Variants in PKD2 observed in about 807,000 individuals in gnomAD.
PKD2 encodes the protein polycystin-2.
Under a neutral mutation model 105.9 loss-of-function variants are expected in PKD2, and 48 were observed. The observed-to-expected ratio is 0.45, with a 90% CI of 0.36 to 0.58. The LOEUF (loss-of-function observed/expected upper bound fraction) is 0.58. Among genes scored for constraint, PKD2 ranks in the 20% least tolerant of loss-of-function variants. The probability of loss-of-function intolerance (pLI) is 0.00; values close to 1 mark genes in which losing one functional copy is unlikely to be tolerated. For synonymous variants in PKD2, 464 were observed against 481.1 expected (o/e 0.96, Z 0.46); for missense variants, 1,078 against 1,255.3 (o/e 0.86, Z 2.13).
rs775939158 is a variant in PKD2 at position 88,061,846 on chromosome 4, T to C, written c.2020-60T>C. 19 of 842,632 alleles carry C rather than the reference T, an allele frequency of 2.3e-5. No individual in the cohort carries two copies. The Admixed American group carries it at 2.6e-4, about 11-fold the overall frequency. 52.2% of individuals were successfully genotyped at this position (842,632 alleles called of 1,614,324 possible). A position where few individuals can be genotyped will look rare whatever the true frequency, so the allele number is the denominator to read the frequency against. On this transcript the variant is annotated intron_variant, in intron 9 of 14. Coordinates refer to ENST00000237596, the MANE Select transcript of PKD2 (RefSeq NM_000297.4). ...AAAAAGGCATGTGTCATTTTTTTGATTGATAATTCCAAATTATGTTTCTTC... is the reference window on the plus strand; with the variant it reads ...AAAAAGGCATGTGTCATTTTTTTGACTGATAATTCCAAATTATGTTTCTTC...
In PKD2 at chr4:88,008,459, C is replaced by T. The variant is rs527943255; in HGVS notation, c.595+131C>T. ...CTCTGCGTTCCGCCTCCCTTGGAAG[C>T]GCATTCCCCACCTCCGCTAGTGCTG... On this transcript the variant is annotated intron_variant, in intron 1 of 14. Transcript: ENST00000237596. 6.7e-5 allele frequency: 79 copies of T among 1,177,554 alleles called. No individual in the cohort carries two copies. In the South Asian group the frequency reaches 1.4e-3, roughly 22 times the overall value. 72.9% of individuals were successfully genotyped at this position (1,177,554 alleles called of 1,614,324 possible).
At position 88,007,862 on chromosome 4, in the gene PKD2, G is replaced by A. The variant is rs1726228099; in HGVS notation, c.129G>A (p.Pro43=). 7 of 1,239,168 alleles carry A rather than the reference G, an allele frequency of 5.6e-6. No individual in the cohort carries two copies. The highest frequency in any genetic ancestry group is 1.6e-5 in the African/African-American group (1 of 64,024). 76.8% of individuals were successfully genotyped at this position (1,239,168 alleles called of 1,614,324 possible). Residue 43 remains proline (P), a synonymous_variant, in exon 1 of 15, where the codon CCG becomes CCA. Coordinates refer to ENST00000237596, the MANE Select transcript of PKD2 (RefSeq NM_000297.4). ...CCGTGGGCGCCAGCCTCGCCGCCCCGGGCGGCCTCTGCGAGCAGCGGGGCC... is the reference window on the plus strand; with the variant it reads ...CCGTGGGCGCCAGCCTCGCCGCCCCAGGCGGCCTCTGCGAGCAGCGGGGCC... ...CAAVGASLAA[P]GGLCEQRGLE... is the part of the protein sequence containing the mutation.
chr4:88,070,629 AAGAG>A (rs1254772673), intron 13 of PKD2, among the ~76,000 whole-genome samples: 2 of 87,562 alleles, frequency 2.3e-5, no homozygotes, highest in Non-Finnish European at 5.1e-5. Context: ...GAGAGAGAGA[AAGAG>A]AGAGAGAGAG....
At chr4:88,012,206 T>G (rs1489671434) in intron 1 of PKD2, among the ~76,000 whole-genome samples, 1 of 152,232 alleles carries the variant, frequency 6.6e-6, no homozygotes, top group Non-Finnish European at 1.5e-5. Flanking sequence ...GTTTTGTTTT[T>G]ATCCTCACAA....
chr4:88,060,866 C>T (rs927558288), intron 9 of PKD2, among the ~76,000 whole-genome samples: 5 of 152,176 alleles, frequency 3.3e-5, no homozygotes, highest in African/African-American at 1.2e-4. Context: ...TAGATTGTCT[C>T]ACTAACCAGC....
intron 1 of PKD2, among the ~76,000 whole-genome samples, chr4:88,009,020 A>G (rs1239489750): frequency 6.6e-6 from 1 of 152,250 alleles, no homozygotes; most frequent in Non-Finnish European, 1.5e-5. Flanking sequence ...AAAAATTTGA[A>G]GTATGTTTTT....
chr4:88,050,119 T>G (rs1269056925), intron 6 of PKD2, among the ~76,000 whole-genome samples: 1 of 151,754 alleles, frequency 6.6e-6, no homozygotes, highest in African/African-American at 2.4e-5. Context: ...GGACTACAGG[T>G]GCCTGCCACC....
chr4:88,042,909 G>A (rs1403297971), intron 4 of PKD2, among the ~76,000 whole-genome samples: 2 of 152,172 alleles, frequency 1.3e-5, no homozygotes, highest in African/African-American at 4.8e-5. Context: ...GTTACCCAGA[G>A]AAGGCAGCCG....
At chr4:88,038,129 C>A in intron 3 of PKD2, 122 bp from the exon 4 acceptor site, 1 of 1,050,708 alleles carries the variant, frequency 9.5e-7, no homozygotes, top group Non-Finnish European at 1.5e-6. Flanking sequence ...CAACAAAACT[C>A]ATTCTTATCA....
chr4:88,074,505 G>A (rs1721156109), intron 13 of PKD2, among the ~76,000 whole-genome samples: 1 of 152,058 alleles, frequency 6.6e-6, no homozygotes, highest in Non-Finnish European at 1.5e-5. Flanking sequence ...CTCTTTTATA[G>A]CCAAAAATTA....
intron 1 of PKD2, among the ~76,000 whole-genome samples, chr4:88,016,515 CCTA>C (rs1394811402): frequency 6.6e-6 from 1 of 152,124 alleles, no homozygotes; most frequent in Non-Finnish European, 1.5e-5. Flanking sequence ...AGCTATTTTT[CCTA>C]CTTGTAGATG....
intron 10 of PKD2, among the ~76,000 whole-genome samples, chr4:88,063,622 G>C (rs1465193233): frequency 6.6e-6 from 1 of 152,144 alleles, no homozygotes; most frequent in African/African-American, 2.4e-5. Flanking sequence ...AATCAAAACA[G>C]AGTAATGGAT....
At chr4:88,070,503 C>T (rs1251036470) in intron 13 of PKD2, among the ~76,000 whole-genome samples, 2 of 150,248 alleles carry the variant, frequency 1.3e-5, no homozygotes, top group Non-Finnish European at 1.5e-5. Context: ...AGTTCACTGA[C>T]TTGTTCTTCT....
rs1331405684 is a variant in PKD2, at chr4:88,008,331, A to G, written c.595+3A>G. The G allele has an allele frequency of 2.7e-6, 4 of 1,509,126 alleles. No individual in the cohort carries two copies. The highest frequency in any genetic ancestry group is 2.6e-6 in the Non-Finnish European group (3 of 1,134,324). 93.5% of individuals were successfully genotyped at this position (1,509,126 alleles called of 1,614,324 possible). On this transcript the variant is annotated splice_donor_region_variant and intron_variant, in intron 1 of 14. Transcript: ENST00000237596. ...GAGGCTGGTTCGCGGGCTGCGAGGT[A>G]AGAGCGCGCGACCCGCAGCGGCAGA...
At chr4:88,015,847 T>C (rs911874157) in intron 1 of PKD2, among the ~76,000 whole-genome samples, 4 of 152,226 alleles carry the variant, frequency 2.6e-5, no homozygotes, top group Non-Finnish European at 5.9e-5. Flanking sequence ...TTCCCCAGTG[T>C]TCCTATTAAT....
At chr4:88,059,877 A>T (rs1720504381) in intron 9 of PKD2, among the ~76,000 whole-genome samples, 1 of 152,132 alleles carries the variant, frequency 6.6e-6, no homozygotes, top group African/African-American at 2.4e-5. Context: ...TTCTGAGCCG[A>T]TTGCCTGGTA....
chr4:88,066,048 A>G (rs1720781125), intron 12 of PKD2, among the ~76,000 whole-genome samples, 169 bp downstream of exon 12: 1 of 152,258 alleles, frequency 6.6e-6, no homozygotes, highest in African/African-American at 2.4e-5. Flanking sequence ...CAGAAAGAAT[A>G]TATAACACAA....
At chr4:88,033,974 A>G (rs1727246534) in intron 2 of PKD2, among the ~76,000 whole-genome samples, 2 of 152,170 alleles carry the variant, frequency 1.3e-5, no homozygotes, top group South Asian at 4.1e-4. Context: ...TTGGCTAGGC[A>G]GCACTCTCCC....
At chr4:88,055,513 A>G (rs1720291439) in intron 7 of PKD2, among the ~76,000 whole-genome samples, 1 of 151,482 alleles carries the variant, frequency 6.6e-6, no homozygotes, top group South Asian at 2.1e-4. Flanking sequence ...ATTTATTTTT[A>G]TTTTCTAATG....
Sources: gnomAD v4.1 joint callset for allele counts (sites outside exome capture counted in the v4.1 genomes callset) on GRCh38, gnomAD v4.1.1 for gene constraint, MANE v1.5 for transcripts, NCBI Gene and HGNC (gene_info 2026-07-23, HGNC 2026-07-21) for gene names.